Variants in ZNF14 observed in about 807,000 individuals in gnomAD.
The protein encoded by ZNF14 is gonadotropin inducible transcription repressor-4.
In ZNF14, 9 loss-of-function variants were observed where a neutral mutation model predicts 11.3. The ratio of observed to expected loss-of-function variants is 0.80; its 90% CI spans 0.48 to 1.39. The LOEUF (loss-of-function observed/expected upper bound fraction) is 1.39. ZNF14 is among the 40% of genes most tolerant of loss of function. The probability of loss-of-function intolerance (pLI) is 0.00; values close to 1 mark genes in which losing one functional copy is unlikely to be tolerated. For missense variants in ZNF14, 711 were observed against 763.9 expected (o/e 0.93, Z 0.82); for synonymous variants, 239 against 245.7 (o/e 0.97, Z 0.25).
At chr19:19,715,699 G>A (rs2062376057) in intron 1 of ZNF14, among the ~76,000 whole-genome samples, 1 of 152,212 alleles carries the variant, frequency 6.6e-6, no homozygotes, top group Non-Finnish European at 1.5e-5. Context: ...GGGAAAGGGA[G>A]AGATAAGGCT....
At position 19,712,025 on chromosome 19, in the gene ZNF14, T is replaced by C. The variant is rs768475309; in HGVS notation, c.1256A>G (p.Tyr419Cys). 3.7e-6 allele frequency: 6 copies of C among 1,613,920 alleles called. No individual in the cohort carries two copies. Among genetic ancestry groups the C allele is most frequent in the South Asian group, 2.2e-5 (2 of 91,076 alleles). ...GGTTTTACCACATTGTTTACATTCA[T>C]AGGGTTTCTCTCCAGTGTGAGTTGT... Reference protein sequence around the residue: ...HETTHTGEKPYECKQCGKTFS... With the variant: ...HETTHTGEKPCECKQCGKTFS... Residue 419 changes from tyrosine (Y) to cysteine (C), a missense_variant, in exon 4 of 4, where the codon TAT (tyrosine) becomes TGT (cysteine). Tyr to Cys is a radical substitution (Grantham distance 194, BLOSUM62 -2). Transcript: ENST00000344099.
intron 1 of ZNF14, among the ~76,000 whole-genome samples, chr19:19,718,160 C>A (rs942342234): frequency 1.3e-5 from 2 of 151,998 alleles, no homozygotes; most frequent in East Asian, 3.8e-4. Flanking sequence ...AGGTCAAGCA[C>A]CAGAACCAGA....
rs2062360324 is a variant in ZNF14 at position 19,711,615 on chromosome 19, C to T, written c.1666G>A (p.Glu556Lys). The T allele has an allele frequency of 1.9e-6, 3 of 1,614,158 alleles. No individual in the cohort carries two copies. The highest frequency in any genetic ancestry group is 2.7e-5 in the African/African-American group (2 of 75,048). Reference protein sequence around the residue: ...IRLHERTHTGEKPYQCKQCGK... With the variant: ...IRLHERTHTGKKPYQCKQCGK... The stretch of plus-strand genomic sequence containing the variant: ...CATTGTTTACATTGATACGGTTTCT[C>T]TCCAGTGTGAGTCCTTTCATGCAAT... The change falls in exon 4 of 4, where the codon GAG becomes AAG. Residue 556 changes from glutamate to lysine, a missense_variant. Transcript: ENST00000344099.
At chr19:19,716,255 T>C (rs2062377530) in intron 1 of ZNF14, among the ~76,000 whole-genome samples, 1 of 151,946 alleles carries the variant, frequency 6.6e-6, no homozygotes, top group Non-Finnish European at 1.5e-5. Context: ...GTAGGGTACA[T>C]AGTAGAAAAG....
At chr19:19,714,608 C>T in intron 1 of ZNF14, 121 bp from the exon 2 acceptor site, 2 of 1,198,078 alleles carry the variant, frequency 1.7e-6, no homozygotes, top group Non-Finnish European at 2.3e-6. Context: ...GTGTATGACT[C>T]AGCTGTCAGA....
Position 19,712,314 on chromosome 19 carries a change from G to C in ZNF14, c.967C>G (p.Arg323Gly). The change falls in exon 4 of 4, where the codon CGA becomes GGA. Residue 323 changes from arginine to glycine, a missense_variant. Physicochemically the swap from Arg to Gly is moderately radical, Grantham distance 125. Transcript: ENST00000344099. ...GKAFFYSASF[R>G]AHVIIHTGAR... ...CCAGTGTGTATTATTACATGTGCTC[G>C]AAAGCTTGCAGAATAAAAGAAGGCT... The C allele has an allele frequency of 1.2e-6, 2 of 1,613,908 alleles. No homozygotes were observed. The highest frequency in any genetic ancestry group is 1.7e-6 in the Non-Finnish European group (2 of 1,179,962).
chr19:19,712,335 A>C lies in ZNF14; in HGVS notation c.946T>G (p.Phe316Val), dbSNP rs756147065. The C allele has an allele frequency of 5.0e-6, 8 of 1,613,980 alleles. No individual in the cohort carries two copies. Among genetic ancestry groups the C allele is most frequent in the South Asian group, 3.3e-5 (3 of 91,038 alleles). ...PYECKECGKA[F>V]FYSASFRAHV... is the part of the protein sequence containing the mutation. ...GCTCGAAAGCTTGCAGAATAAAAGA[A>C]GGCTTTTCCACATTCTTTACATTCA... The change falls in exon 4 of 4, where the codon TTC (phenylalanine) becomes GTC (valine). Residue 316 changes from phenylalanine (F) to valine (V), a missense_variant. Transcript: ENST00000344099.
rs1170455399 is a variant in ZNF14, at chr19:19,727,288, C to T, written c.3+5668G>A. The stretch of plus-strand genomic sequence containing the variant: ...TACATATCCAATAATTAATATAAAA[C>T]ATAGGATTGACACAAATAGACTAAA... On this transcript the variant is annotated intron_variant, in intron 1 of 3. Transcript: ENST00000344099. 1.5e-5 allele frequency among the ~76,000 whole-genome samples: 2 copies of T among 133,768 alleles called. 1 individual carries two copies. Among genetic ancestry groups the T allele is most frequent in the Non-Finnish European group, 3.3e-5 (2 of 60,276 alleles). 87.8% of individuals were successfully genotyped at this position (133,768 alleles called of 152,430 possible).
intron 1 of ZNF14, among the ~76,000 whole-genome samples, chr19:19,732,069 C>CA (rs907717150): frequency 1.7e-4 from 26 of 151,056 alleles, no homozygotes; most frequent in Admixed American, 5.3e-4. Context: ...CCGTCACACA[C>CA]AAAAAAAAAT....
rs139498830 is a variant in ZNF14 at position 19,711,061 on chromosome 19, G to A, written c.*291C>T. ...CAAAGTGCTGGGACTATAGGCATGA[G>A]CCAACAAGCTTGGCCTTTTTTAAAA... On this transcript the variant is annotated 3_prime_UTR_variant, in exon 4 of 4. Transcript: ENST00000344099. 3.4e-6 allele frequency: 1 copy of A among 293,074 alleles called. No individual in the cohort carries two copies. 18.2% of individuals were successfully genotyped at this position (293,074 alleles called of 1,614,324 possible). A position where few individuals can be genotyped will look rare whatever the true frequency, so the allele number is the denominator to read the frequency against.
chr19:19,726,561 C>T (rs550868159), intron 1 of ZNF14, among the ~76,000 whole-genome samples: 5 of 133,880 alleles, frequency 3.7e-5, no homozygotes, highest in South Asian at 4.9e-4. Flanking sequence ...GCAGTCTGTC[C>T]GTTCTCAGAT....
chr19:19,715,608 GACA>G, intron 1 of ZNF14, among the ~76,000 whole-genome samples: 1 of 152,298 alleles, frequency 6.6e-6, no homozygotes, highest in Non-Finnish European at 1.5e-5. Flanking sequence ...TTCAAGGAAC[GACA>G]ACATGTTTTA....
chr19:19,718,443 G>A (rs1012167487), intron 1 of ZNF14, among the ~76,000 whole-genome samples: 13 of 152,048 alleles, frequency 8.5e-5, no homozygotes, highest in African/African-American at 2.9e-4. Context: ...AGTATAACCC[G>A]TCAAACTGAA....
In ZNF14 at chr19:19,711,941, T is replaced by C; in HGVS notation, c.1340A>G (p.Tyr447Cys). 1.9e-6 allele frequency: 3 copies of C among 1,614,028 alleles called. No individual in the cohort carries two copies. Among genetic ancestry groups the C allele is most frequent in the South Asian group, 2.2e-5 (2 of 91,078 alleles). The change falls in exon 4 of 4, where the codon TAT (tyrosine) becomes TGT (cysteine). Residue 447 changes from tyrosine to cysteine, a missense_variant. By Grantham distance (194) the Tyr-to-Cys change is radical. Transcript: ENST00000344099. ...HERTHNAEKP[Y>C]ECKQCGKAFR... The stretch of plus-strand genomic sequence containing the variant: ...GGCTTTCCCACACTGTTTACATTCA[T>C]AGGGTTTCTCTGCATTGTGAGTCCT...
In ZNF14 at chr19:19,711,591, A is replaced by G; in HGVS notation, c.1690T>C (p.Cys564Arg). 1 of 1,613,836 alleles carries G rather than the reference A, an allele frequency of 6.2e-7. No homozygotes were observed. The highest frequency in any genetic ancestry group is 8.5e-7 in the Non-Finnish European group (1 of 1,179,942). The change falls in exon 4 of 4, where the codon TGT becomes CGT. Residue 564 changes from cysteine to arginine, a missense_variant. By Grantham distance (180) the Cys-to-Arg change is radical. Coordinates refer to ENST00000344099, the MANE Select transcript of ZNF14 (RefSeq NM_021030.3). ...CTGGAAGAAATGAAGGCTTTTCCAC[A>G]TTGTTTACATTGATACGGTTTCTCT... ...TGEKPYQCKQ[C>R]GKAFISSSKF...
At position 19,711,838 on chromosome 19, in the gene ZNF14, T is replaced by C. The variant is rs2062361483; in HGVS notation, c.1443A>G (p.Gly481=). The C allele has an allele frequency of 6.2e-7, 1 of 1,613,140 alleles. No individual in the cohort carries two copies. The highest frequency in any genetic ancestry group is 2.2e-5 in the East Asian group (1 of 44,816). The part of the protein sequence containing the change: ...GEKPYECKQC[G]KVFIRSSSFR... ...AGGAACTGGAACGAATGAAAACTTT[T>C]CCACACTGTTTACATTCATAGGGTT... Residue 481 remains glycine (G), a synonymous_variant, in exon 4 of 4, where the codon GGA becomes GGG. Coordinates refer to ENST00000344099, the MANE Select transcript of ZNF14 (RefSeq NM_021030.3).
rs2062394624 is a variant in ZNF14 at position 19,722,018 on chromosome 19, G to A, written c.4-7531C>T. ...TACAAATTTGTGTAGCTTCTCAGTT[G>A]GTCTTACCGCCTTTCTCATTCACCT... On this transcript the variant is annotated intron_variant, in intron 1 of 3. Coordinates refer to ENST00000344099, the MANE Select transcript of ZNF14 (RefSeq NM_021030.3). 1.3e-5 allele frequency among the ~76,000 whole-genome samples: 2 copies of A among 150,340 alleles called. 1 individual carries two copies. The highest frequency in any genetic ancestry group is 4.2e-4 in the South Asian group (2 of 4,770).
intron 1 of ZNF14, among the ~76,000 whole-genome samples, chr19:19,716,185 T>C (rs939996781): frequency 6.6e-6 from 1 of 152,180 alleles, no homozygotes; most frequent in African/African-American, 2.4e-5. Flanking sequence ...TAATGTGGAT[T>C]GAATGTCTCA....
chr19:19,714,536 C>A, intron 1 of ZNF14, 49 bp from the exon 2 acceptor site: 1 of 1,578,320 alleles, frequency 6.3e-7, no homozygotes. Flanking sequence ...ACTGGCAGTA[C>A]TGGGGATCTA....
Sources: gnomAD v4.1 joint callset for allele counts (sites outside exome capture counted in the v4.1 genomes callset) on GRCh38, gnomAD v4.1.1 for gene constraint, MANE v1.5 for transcripts, NCBI Gene and HGNC (gene_info 2026-07-23, HGNC 2026-07-21) for gene names.